The following AGBL4 variants were observed in gnomAD, a reference collection of about 807,000 sequenced individuals.
AGBL4 encodes AGBL carboxypeptidase 4.
Under a neutral mutation model 66.4 loss-of-function variants are expected in AGBL4, and 58 were observed. The ratio of observed to expected loss-of-function variants is 0.87; its 90% CI spans 0.71 to 1.09. The LOEUF is 1.09. AGBL4 is among the 50% of genes least tolerant of loss of function. The pLI is 0.00. For synonymous variants in AGBL4, 234 were observed against 222.9 expected (o/e 1.05, Z -0.44); for missense variants, 579 against 631.0 (o/e 0.92, Z 0.88).
At chr1:49,515,509 A>G (rs920442883) in intron 3 of AGBL4, among the ~76,000 whole-genome samples, 2 of 151,920 alleles carry the variant, frequency 1.3e-5, no homozygotes, top group African/African-American at 4.8e-5. Context: ...AACTAGAAAT[A>G]CCATTTGACC....
chr1:49,717,861 AT>A (rs1388458187), intron 2 of AGBL4, among the ~76,000 whole-genome samples: 1 of 152,066 alleles, frequency 6.6e-6, no homozygotes, highest in East Asian at 1.9e-4. Flanking sequence ...TTGAGGTAAT[AT>A]ATTAAAGCTC....
At chr1:49,154,175 G>A (rs942935117) in intron 4 of AGBL4, among the ~76,000 whole-genome samples, 1 of 152,066 alleles carries the variant, frequency 6.6e-6, no homozygotes, top group Non-Finnish European at 1.5e-5. Context: ...TTGTCTATGG[G>A]TGAAGGCAGC....
At chr1:49,747,806 T>C (rs754810924) in intron 2 of AGBL4, among the ~76,000 whole-genome samples, 3 of 152,128 alleles carry the variant, frequency 2.0e-5, no homozygotes, top group African/African-American at 4.8e-5. Flanking sequence ...ATGTTTACTA[T>C]CATTTGATGC....
intron 3 of AGBL4, among the ~76,000 whole-genome samples, chr1:49,572,980 G>C (rs545662024): frequency 3.3e-5 from 5 of 152,134 alleles, no homozygotes; most frequent in African/African-American, 7.2e-5. Context: ...CATGCTGGAG[G>C]CTTCTTGCCC....
chr1:49,979,999 CT>C (rs1419941780), intron 1 of AGBL4, among the ~76,000 whole-genome samples: 1 of 152,070 alleles, frequency 6.6e-6, no homozygotes, highest in African/African-American at 2.4e-5. Context: ...TGTATTTTCT[CT>C]TCCTTATGAT....
Position 48,539,716 on chromosome 1 carries a change from C to T in AGBL4, c.1290G>A (p.Val430=). The part of the protein sequence containing the change: ...EEAYMKLGRN[V]ARTFLDYYRL... Reference sequence around the variant, plus strand: ...GATAATAGTCCAAAAAGGTTCTTGCCACATTCCGCCCCAGCTTCATATCTG... The same window carrying T: ...GATAATAGTCCAAAAAGGTTCTTGCTACATTCCGCCCCAGCTTCATATCTG... The change falls in exon 12 of 14, where the codon GTG becomes GTA. Residue 430 remains valine, a synonymous_variant. Transcript: ENST00000371839. 6.5e-7 allele frequency: 1 copy of T among 1,542,836 alleles called. No homozygotes were observed. The highest frequency in any genetic ancestry group is 8.8e-7 in the Non-Finnish European group (1 of 1,140,894).
intron 5 of AGBL4, among the ~76,000 whole-genome samples, chr1:48,982,410 T>G (rs1057443016): frequency 2.0e-5 from 3 of 152,118 alleles, no homozygotes. Flanking sequence ...GTGTTCTCAT[T>G]GTTCAATTCC....
At chr1:48,750,959 G>C (rs919893689) in intron 6 of AGBL4, among the ~76,000 whole-genome samples, 1 of 152,198 alleles carries the variant, frequency 6.6e-6, no homozygotes, top group African/African-American at 2.4e-5. Flanking sequence ...TCTGGGACCT[G>C]CTGAATCCTG....
At chr1:49,444,360 T>TA (rs1343903102) in intron 3 of AGBL4, among the ~76,000 whole-genome samples, 21 of 152,048 alleles carry the variant, frequency 1.4e-4, no homozygotes, top group Admixed American at 1.4e-3. Context: ...AGTGTGGAGT[T>TA]AAAGTCCTCT....
intron 3 of AGBL4, among the ~76,000 whole-genome samples, chr1:49,583,087 C>A (rs934234344): frequency 4.6e-5 from 7 of 152,082 alleles, no homozygotes; most frequent in Admixed American, 2.0e-4. Context: ...TGCTTCCTGG[C>A]CCTGGTTTCT....
chr1:48,572,373 A>G (rs1281184721), intron 11 of AGBL4, among the ~76,000 whole-genome samples: 1 of 151,970 alleles, frequency 6.6e-6, no homozygotes, highest in South Asian at 2.1e-4. Flanking sequence ...AGTGCAATGC[A>G]TTTCCACTAT....
At chr1:49,137,147 A>G (rs1346104424) in intron 4 of AGBL4, among the ~76,000 whole-genome samples, 1 of 152,152 alleles carries the variant, frequency 6.6e-6, no homozygotes, top group East Asian at 1.9e-4. Context: ...TAAAGTTTCT[A>G]TGCTATAGAT....
intron 4 of AGBL4, among the ~76,000 whole-genome samples, chr1:49,050,279 G>C (rs950090621): frequency 6.6e-6 from 1 of 151,796 alleles, no homozygotes; most frequent in Non-Finnish European, 1.5e-5. Flanking sequence ...ACACACACAC[G>C]CACTCTCTCA....
intron 4 of AGBL4, among the ~76,000 whole-genome samples, chr1:49,221,892 C>T (rs956502540): frequency 7.9e-5 from 12 of 152,108 alleles, no homozygotes; most frequent in African/African-American, 2.9e-4. Flanking sequence ...TGACCCAGAG[C>T]AAGTGAGTGG....
chr1:49,405,924 G>A (rs1407426192), intron 3 of AGBL4, among the ~76,000 whole-genome samples: 2 of 152,144 alleles, frequency 1.3e-5, no homozygotes, highest in South Asian at 4.1e-4. Flanking sequence ...GAATCCTATT[G>A]GAAGAAGAAA....
intron 5 of AGBL4, among the ~76,000 whole-genome samples, chr1:49,045,221 A>G (rs1644048442): frequency 6.6e-6 from 1 of 152,178 alleles, no homozygotes. Flanking sequence ...AAATGCTTTC[A>G]TACCTTTTGT....
At chr1:49,995,286 G>C (rs1375218230) in intron 1 of AGBL4, 1 of 454,834 alleles carries the variant, frequency 2.2e-6, no homozygotes, top group Non-Finnish European at 4.4e-6. Context: ...CGGCTGCCTG[G>C]AAATAAACTC....
intron 4 of AGBL4, among the ~76,000 whole-genome samples, chr1:49,127,701 A>T (rs538888614): frequency 6.6e-6 from 1 of 152,242 alleles, no homozygotes; most frequent in East Asian, 1.9e-4. Flanking sequence ...GAAATTTCTC[A>T]TTGATCCCTT....
At chr1:49,318,002 G>T (rs1461500446) in intron 3 of AGBL4, among the ~76,000 whole-genome samples, 1 of 151,912 alleles carries the variant, frequency 6.6e-6, no homozygotes, top group Non-Finnish European at 1.5e-5. Flanking sequence ...AATTTCCATA[G>T]CTCCTCAGTG....
Sources: allele counts gnomAD v4.1 joint callset (sites outside exome capture counted in the v4.1 genomes callset), GRCh38; gene constraint gnomAD v4.1.1; transcripts MANE v1.5; gene names NCBI Gene and HGNC (gene_info 2026-07-23, HGNC 2026-07-21).